The following GAS2 variants were observed in gnomAD, a reference collection of about 807,000 sequenced individuals.
GAS2 encodes growth arrest specific 2, also known as growth arrest-specific protein 2.
In GAS2, 20 loss-of-function variants were observed where a neutral mutation model predicts 37.5. The observed-to-expected ratio is 0.53, with a 90% CI of 0.37 to 0.77. The LOEUF (loss-of-function observed/expected upper bound fraction) is 0.77, where lower values mean the gene tolerates loss of function less well. Among genes scored for constraint, GAS2 ranks in the 30% least tolerant of loss-of-function variants. The pLI, the probability that GAS2 is intolerant of heterozygous loss-of-function variation, is 0.00. For synonymous variants in GAS2, 144 were observed against 132.2 expected (o/e 1.09, Z -0.61); for missense variants, 336 against 373.4 (o/e 0.90, Z 0.82).
chr11:22,793,611 G>C (rs1241935284), intron 7 of GAS2, among the ~76,000 whole-genome samples: 1 of 152,158 alleles, frequency 6.6e-6, no homozygotes, highest in Non-Finnish European at 1.5e-5. Context: ...TGATCTTGGG[G>C]AGAAAGTTTC....
intron 7 of GAS2, among the ~76,000 whole-genome samples, chr11:22,764,011 T>C (rs1854537582): frequency 6.6e-6 from 1 of 152,326 alleles, no homozygotes; most frequent in South Asian, 2.1e-4. Context: ...ATTTACACTT[T>C]GGTAAAACAT....
At chr11:22,727,985 C>T (rs1294569663) in intron 4 of GAS2, among the ~76,000 whole-genome samples, 1 of 151,966 alleles carries the variant, frequency 6.6e-6, no homozygotes. Flanking sequence ...ACAAGGAGTA[C>T]ACTCTGCATG....
At chr11:22,720,035 C>T (rs1851873348) in intron 3 of GAS2, among the ~76,000 whole-genome samples, 2 of 151,956 alleles carry the variant, frequency 1.3e-5, no homozygotes, top group African/African-American at 2.4e-5. Flanking sequence ...TTATATTACT[C>T]CAGAGATGAT....
At chr11:22,667,469 T>C (rs1351148711) in intron 1 of GAS2, among the ~76,000 whole-genome samples, 1 of 152,098 alleles carries the variant, frequency 6.6e-6, no homozygotes, top group Non-Finnish European at 1.5e-5. Context: ...TTTGATGAAA[T>C]TGAGTTTTAT....
chr11:22,759,756 G>A (rs1020737196), intron 7 of GAS2, among the ~76,000 whole-genome samples: 2 of 152,200 alleles, frequency 1.3e-5, no homozygotes, highest in Non-Finnish European at 2.9e-5. Flanking sequence ...ACGTATCTTT[G>A]AAATGTAAAT....
chr11:22,645,297 A>G (rs1185676892), intron 1 of GAS2, among the ~76,000 whole-genome samples: 1 of 151,930 alleles, frequency 6.6e-6, no homozygotes, highest in East Asian at 1.9e-4. Flanking sequence ...ATCACGAGGT[A>G]AGGAGATTAA....
At chr11:22,794,416 G>A (rs1856331190) in intron 7 of GAS2, among the ~76,000 whole-genome samples, 1 of 151,844 alleles carries the variant, frequency 6.6e-6, no homozygotes, top group African/African-American at 2.4e-5. Context: ...TAATTATGCT[G>A]CTTTATCTTA....
intron 1 of GAS2, among the ~76,000 whole-genome samples, chr11:22,646,665 A>C (rs942599256): frequency 6.6e-6 from 1 of 152,224 alleles, no homozygotes; most frequent in African/African-American, 2.4e-5. Flanking sequence ...GAGCCATATG[A>C]CATTTGCCTC....
At chr11:22,731,329 AGGATTT>A (rs1852465516) in intron 4 of GAS2, 1 of 447,598 alleles carries the variant, frequency 2.2e-6, no homozygotes, top group Non-Finnish European at 4.5e-6. Context: ...GGATAATTAT[AGGATTT>A]GGAGGCCAGT....
chr11:22,782,817 T>C (rs117994290), intron 7 of GAS2, among the ~76,000 whole-genome samples: 4,821 of 150,182 alleles, frequency 0.032, 117 homozygotes, highest in Non-Finnish European at 0.049. Context: ...ATGGTATATA[T>C]GTACCATATT....
intron 3 of GAS2, among the ~76,000 whole-genome samples, chr11:22,715,901 A>G (rs1482604285): frequency 6.6e-6 from 1 of 152,168 alleles, no homozygotes; most frequent in African/African-American, 2.4e-5. Context: ...AAAAAAAGAA[A>G]ACTACAAACC....
intron 1 of GAS2, among the ~76,000 whole-genome samples, chr11:22,647,571 C>A (rs908879053): frequency 1.3e-5 from 2 of 152,190 alleles, no homozygotes; most frequent in Non-Finnish European, 2.9e-5. Flanking sequence ...TCTCCGCATC[C>A]TCTCCAGCAC....
chr11:22,711,381 A>G (rs1378588085), intron 3 of GAS2, among the ~76,000 whole-genome samples: 1 of 151,784 alleles, frequency 6.6e-6, no homozygotes, highest in African/African-American at 2.4e-5. Flanking sequence ...GTCCTTGGGG[A>G]AAGGAAAGCA....
chr11:22,732,523 T>C (rs746424745), intron 4 of GAS2, among the ~76,000 whole-genome samples: 3 of 151,758 alleles, frequency 2.0e-5, no homozygotes, highest in African/African-American at 4.8e-5. Flanking sequence ...TTTTCCTTCT[T>C]CTCAGCAGCC....
chr11:22,786,644 G>T (rs1855831812), intron 7 of GAS2, among the ~76,000 whole-genome samples: 1 of 152,090 alleles, frequency 6.6e-6, no homozygotes, highest in African/African-American at 2.4e-5. Context: ...TTACTTCTAT[G>T]AATGTTGGCC....
In GAS2 at chr11:22,715,990, A is replaced by G. The variant is rs563143393; in HGVS notation, c.268-10302A>G. The stretch of plus-strand genomic sequence containing the variant: ...GAATTTGACAGCATATCCAAAACAT[A>G]ATCCGCCATGATCAAGTGGGTTTCA... On this transcript the variant is annotated intron_variant, in intron 3 of 7. Coordinates refer to ENST00000454584, the MANE Select transcript of GAS2 (RefSeq NM_001143830.3). Among the ~76,000 whole-genome samples the G allele has an allele frequency of 7.9e-5, 12 of 152,340 alleles. No individual in the cohort carries two copies. The East Asian group carries it at 2.3e-3, about 29-fold the overall frequency.
chr11:22,626,201 C>A, intron 1 of GAS2: 1 of 300,138 alleles, frequency 3.3e-6, no homozygotes, highest in Non-Finnish European at 6.5e-6. Context: ...TAAGTAACGC[C>A]AGAGACATAC....
chr11:22,694,038 G>T (rs1168539808), intron 3 of GAS2, among the ~76,000 whole-genome samples: 1 of 152,040 alleles, frequency 6.6e-6, no homozygotes, highest in Non-Finnish European at 1.5e-5. Flanking sequence ...AGGAGGGAGA[G>T]GATCAGGAAA....
intron 7 of GAS2, among the ~76,000 whole-genome samples, chr11:22,805,480 CCTAT>C (rs1173472644): frequency 6.6e-6 from 1 of 152,032 alleles, no homozygotes; most frequent in Non-Finnish European, 1.5e-5. Context: ...ACTTATTCCT[CCTAT>C]CTTTCTGTAA....
Sources: gnomAD v4.1 joint callset for allele counts (sites outside exome capture counted in the v4.1 genomes callset) on GRCh38, gnomAD v4.1.1 for gene constraint, MANE v1.5 for transcripts, NCBI Gene and HGNC (gene_info 2026-07-23, HGNC 2026-07-21) for gene names.